FAF1: variants seen among roughly 807,000 people sequenced by gnomAD.
The protein encoded by FAF1 is FAS-associated factor 1.
Under a neutral mutation model 92.5 loss-of-function variants are expected in FAF1, and 25 were observed. The observed-to-expected ratio is 0.27, with a 90% CI of 0.20 to 0.38. FAF1 has a LOEUF of 0.38. FAF1 is among the 10% of genes least tolerant of loss of function. The pLI is 1.00. For missense variants in FAF1, 636 were observed against 793.3 expected, an observed-to-expected ratio of 0.80 and a Z score of 2.38; for synonymous variants, 234 against 273.2, an observed-to-expected ratio of 0.86 and a Z score of 1.42.
intron 8 of FAF1, among the ~76,000 whole-genome samples, chr1:50,629,648 C>T (rs1396625702): frequency 6.6e-6 from 1 of 152,132 alleles, no homozygotes; most frequent in African/African-American, 2.4e-5. Context: ...TTCAATACCC[C>T]TTCTTTCTGT....
chr1:50,700,012 G>C (rs1239132129), intron 7 of FAF1, among the ~76,000 whole-genome samples: 2 of 151,972 alleles, frequency 1.3e-5, no homozygotes, highest in African/African-American at 2.4e-5. Flanking sequence ...CTATATTCAT[G>C]GTGCTTAAAT....
chr1:50,805,199 C>T (rs1437125289), intron 2 of FAF1, among the ~76,000 whole-genome samples: 6 of 152,160 alleles, frequency 3.9e-5, no homozygotes, highest in Non-Finnish European at 7.3e-5. Context: ...CATTATCATA[C>T]TGTAATGTAT....
chr1:50,900,251 A>G (rs1644785882), intron 1 of FAF1, among the ~76,000 whole-genome samples: 1 of 152,226 alleles, frequency 6.6e-6, no homozygotes, highest in Non-Finnish European at 1.5e-5. Flanking sequence ...AACTAACTTA[A>G]TGAAGACTAA....
intron 2 of FAF1, among the ~76,000 whole-genome samples, chr1:50,833,037 C>G (rs1421275927): frequency 2.0e-5 from 3 of 152,088 alleles, no homozygotes; most frequent in Non-Finnish European, 2.9e-5. Flanking sequence ...CTTACACCAA[C>G]CAATTCTGAC....
intron 18 of FAF1, among the ~76,000 whole-genome samples, chr1:50,464,916 T>C (rs12088500): frequency 0.012 from 1,818 of 152,342 alleles, 36 homozygotes; most frequent in African/African-American, 0.041. Flanking sequence ...GGAGAATCTA[T>C]GGGCCATTTA....
chr1:50,797,522 G>A (rs968207058), intron 3 of FAF1, among the ~76,000 whole-genome samples: 1 of 151,902 alleles, frequency 6.6e-6, no homozygotes, highest in African/African-American at 2.4e-5. Context: ...AACATCATGA[G>A]ACCCCATCTC....
intron 4 of FAF1, among the ~76,000 whole-genome samples, chr1:50,777,432 A>C (rs1245931092): frequency 6.6e-6 from 1 of 152,172 alleles, no homozygotes; most frequent in African/African-American, 2.4e-5. Context: ...CTTAAGAGAA[A>C]AAAATCATTT....
At chr1:50,806,327 C>A (rs1341309502) in intron 2 of FAF1, among the ~76,000 whole-genome samples, 2 of 152,182 alleles carry the variant, frequency 1.3e-5, no homozygotes, top group Non-Finnish European at 2.9e-5. Context: ...TACCACCACA[C>A]ACCCAATGGT....
intron 14 of FAF1, among the ~76,000 whole-genome samples, chr1:50,536,575 T>C (rs1055739232): frequency 2.7e-4 from 41 of 152,192 alleles, no homozygotes; most frequent in Admixed American, 2.6e-3. Flanking sequence ...GGAACATCTA[T>C]GGTCCTTGGC....
At chr1:50,758,584 C>T (rs1358416789) in intron 4 of FAF1, among the ~76,000 whole-genome samples, 1 of 152,036 alleles carries the variant, frequency 6.6e-6, no homozygotes. Flanking sequence ...AATGTGTAAC[C>T]AAATATTTAC....
At chr1:50,837,468 T>C (rs181834300) in intron 2 of FAF1, among the ~76,000 whole-genome samples, 2 of 152,310 alleles carry the variant, frequency 1.3e-5, no homozygotes, top group Admixed American at 1.3e-4. Context: ...TTAGATTCAG[T>C]TAAATATTTT....
At chr1:50,543,160 A>C (rs1305877872) in intron 13 of FAF1, among the ~76,000 whole-genome samples, 1 of 152,208 alleles carries the variant, frequency 6.6e-6, no homozygotes, top group African/African-American at 2.4e-5. Context: ...TATGGCAAAA[A>C]GTAATCTTGT....
chr1:50,729,854 C>T (rs1557497765), intron 6 of FAF1, among the ~76,000 whole-genome samples: 1 of 152,046 alleles, frequency 6.6e-6, no homozygotes, highest in East Asian at 2.0e-4. Flanking sequence ...AACCTCATCT[C>T]TACTAAAAAT....
At position 50,908,427 on chromosome 1, in the gene FAF1, T is replaced by G. The variant is rs569682830; in HGVS notation, c.46-50430A>C. 9.2e-5 allele frequency among the ~76,000 whole-genome samples: 14 copies of G among 152,344 alleles called. No individual in the cohort carries two copies. In the East Asian group the frequency reaches 2.7e-3, roughly 29 times the overall value. On this transcript the variant is annotated intron_variant, in intron 1 of 18. Coordinates refer to ENST00000396153, the MANE Select transcript of FAF1 (RefSeq NM_007051.3). ...GCTGAGTTCAATTCCTGGATATTCT[T>G]GTTAACTTTCTGTCTCATTGATCTG... is the stretch of plus-strand genomic sequence containing the variant.
intron 5 of FAF1, 127 bp downstream of exon 5, chr1:50,744,552 TTAAAC>T (rs1432235303): frequency 4.7e-6 from 3 of 642,224 alleles, no homozygotes; most frequent in East Asian, 5.6e-5. Context: ...TGCTGATTCC[TTAAAC>T]TAAATTACTA....
intron 6 of FAF1, among the ~76,000 whole-genome samples, chr1:50,714,598 T>A (rs1002877168): frequency 6.6e-6 from 1 of 151,962 alleles, no homozygotes; most frequent in African/African-American, 2.4e-5. Context: ...TGGGTATCAG[T>A]TTTTTAGCCA....
At chr1:50,880,229 G>A (rs563197479) in intron 1 of FAF1, among the ~76,000 whole-genome samples, 1 of 152,150 alleles carries the variant, frequency 6.6e-6, no homozygotes, top group Non-Finnish European at 1.5e-5. Flanking sequence ...CAGCCAAGGA[G>A]CTGATATTCA....
chr1:50,896,988 G>A (rs1644762607), intron 1 of FAF1, among the ~76,000 whole-genome samples: 1 of 151,788 alleles, frequency 6.6e-6, no homozygotes, highest in African/African-American at 2.4e-5. Context: ...AAAAGAAAAA[G>A]TCAATTGCTT....
At chr1:50,866,510 A>G (rs1314551839) in intron 1 of FAF1, among the ~76,000 whole-genome samples, 2 of 152,298 alleles carry the variant, frequency 1.3e-5, no homozygotes, top group East Asian at 3.9e-4. Flanking sequence ...ATACAAAATC[A>G]AATACACAAA....
Sources: allele counts gnomAD v4.1 joint callset (sites outside exome capture counted in the v4.1 genomes callset), GRCh38; gene constraint gnomAD v4.1.1; transcripts MANE v1.5; gene names NCBI Gene and HGNC (gene_info 2026-07-23, HGNC 2026-07-21).